Variants in FGF13 observed in about 807,000 individuals in gnomAD.
The protein encoded by FGF13 is fibroblast growth factor homologous factor 2.
A neutral mutation model predicts 19.5 loss-of-function variants in FGF13; 2 were observed. The observed-to-expected ratio is 0.10, with a 90% CI of 0.04 to 0.32. FGF13 has a LOEUF of 0.32. Among genes scored for constraint, FGF13 ranks in the 10% least tolerant of loss-of-function variants. The pLI is 1.00. For synonymous variants in FGF13, 72 were observed against 76.9 expected, an observed-to-expected ratio of 0.94 and a Z score of 0.33; for missense variants, 113 against 192.7, an observed-to-expected ratio of 0.59 and a Z score of 2.45.
intron 1 of FGF13, among the ~76,000 whole-genome samples, chrX:138,954,845 A>T (rs1052141309): frequency 2.7e-5 from 3 of 112,143 alleles, no homozygotes; most frequent in African/African-American, 9.7e-5. Flanking sequence ...GAGGACCACT[A>T]GCAACGTTTT....
intron 1 of FGF13, among the ~76,000 whole-genome samples, chrX:138,916,671 T>C (rs1426893911): frequency 8.9e-6 from 1 of 112,554 alleles, no homozygotes; most frequent in Non-Finnish European, 1.9e-5. Context: ...GATCACATTC[T>C]ACATGCTATT....
chrX:138,674,869 A>G (rs1483090161), intron 3 of FGF13, among the ~76,000 whole-genome samples: 1 of 111,242 alleles, frequency 9.0e-6, no homozygotes, highest in Non-Finnish European at 1.9e-5. Context: ...TGGATACTAA[A>G]ATTATCAAGA....
chrX:138,978,147 TC>T (rs2091947306), intron 1 of FGF13, among the ~76,000 whole-genome samples: 1 of 110,772 alleles, frequency 9.0e-6, no homozygotes, highest in African/African-American at 3.3e-5. Flanking sequence ...TGATGGACCG[TC>T]CATAACACTG....
At chrX:138,687,821 A>C (rs2089798491) in intron 3 of FGF13, among the ~76,000 whole-genome samples, 1 of 112,188 alleles carries the variant, frequency 8.9e-6, no homozygotes, top group South Asian at 3.7e-4. Flanking sequence ...ATTCAGCCAC[A>C]AAAAAGAATA....
intron 1 of FGF13, among the ~76,000 whole-genome samples, chrX:139,162,074 A>G (rs1042343893): frequency 1.9e-4 from 21 of 112,347 alleles, no homozygotes; most frequent in Admixed American, 8.5e-4. Context: ...AACCACAAAA[A>G]GAGCCTGTAT....
At chrX:138,977,346 A>G (rs111461068) in intron 1 of FGF13, among the ~76,000 whole-genome samples, 1,633 of 112,450 alleles carry the variant, frequency 0.015, 29 homozygotes, top group African/African-American at 0.049. Flanking sequence ...TCATCTTTAT[A>G]TAGCTCTGGT....
intron 1 of FGF13, among the ~76,000 whole-genome samples, chrX:138,909,480 C>T (rs1199734315): frequency 8.9e-6 from 1 of 112,071 alleles, no homozygotes; most frequent in Non-Finnish European, 1.9e-5. Flanking sequence ...TCAATTAGAC[C>T]TGAAGTAGAG....
chrX:139,082,872 T>G (rs1194808237), intron 1 of FGF13, among the ~76,000 whole-genome samples: 1 of 112,043 alleles, frequency 8.9e-6, no homozygotes. Context: ...TAGGTCTATT[T>G]GTTTACTGTC....
chrX:138,692,061 G>C (rs2089843399), intron 3 of FGF13, among the ~76,000 whole-genome samples: 1 of 110,813 alleles, frequency 9.0e-6, no homozygotes, highest in Non-Finnish European at 1.9e-5. Flanking sequence ...TTTTTTTCTT[G>C]TGTCTCAGTA....
intron 1 of FGF13, among the ~76,000 whole-genome samples, chrX:139,090,078 T>C (rs1464272069): frequency 8.9e-6 from 1 of 112,135 alleles, no homozygotes; most frequent in Non-Finnish European, 1.9e-5. Flanking sequence ...TTTGAATGAA[T>C]TTATCAAGTT....
At chrX:138,685,346 C>T (rs1274674004) in intron 3 of FGF13, among the ~76,000 whole-genome samples, 1 of 110,946 alleles carries the variant, frequency 9.0e-6, no homozygotes. Flanking sequence ...TGCAAGAAAG[C>T]CAATTAATGG....
chrX:138,661,643 C>T (rs949734076), intron 3 of FGF13, among the ~76,000 whole-genome samples: 13 of 111,760 alleles, frequency 1.2e-4, no homozygotes, highest in Non-Finnish European at 2.1e-4. Flanking sequence ...AATTTAATTT[C>T]TCTGCCTCAG....
chrX:138,698,556 G>T (rs2089917908), intron 3 of FGF13, among the ~76,000 whole-genome samples: 1 of 111,724 alleles, frequency 9.0e-6, no homozygotes, highest in Non-Finnish European at 1.9e-5. Context: ...TGTCCTCAGT[G>T]CCTCAGTGCT....
At chrX:138,714,235 AAG>A (rs1393492544), upstream of FGF13, 2 of 111,981 alleles carry the variant, frequency 1.8e-5, no homozygotes, top group Non-Finnish European at 1.9e-5. Flanking sequence ...CTCTTCCACA[AAG>A]AGAACTCACA....
At chrX:138,688,100 T>TGC (rs1245634455) in intron 3 of FGF13, among the ~76,000 whole-genome samples, 1 of 108,741 alleles carries the variant, frequency 9.2e-6, no homozygotes, top group Non-Finnish European at 1.9e-5. Context: ...GGACTACAGG[T>TGC]GCGTGCCACC....
intron 1 of FGF13, among the ~76,000 whole-genome samples, chrX:138,930,552 C>A (rs1302168914): frequency 8.9e-6 from 1 of 111,837 alleles, no homozygotes; most frequent in Non-Finnish European, 1.9e-5. Flanking sequence ...ATCTGAAAGT[C>A]TTTTAATCTC....
chrX:138,779,478 T>C (rs1443838232), intron 3 of FGF13, among the ~76,000 whole-genome samples: 1 of 109,256 alleles, frequency 9.2e-6, no homozygotes, highest in Non-Finnish European at 1.9e-5. Context: ...AAGGAGCTGA[T>C]GGAGCTGAAA....
At chrX:138,736,368 A>G (rs1414124642) in intron 1 of FGF13, among the ~76,000 whole-genome samples, 1 of 112,533 alleles carries the variant, frequency 8.9e-6, no homozygotes, top group Non-Finnish European at 1.9e-5. Context: ...AAGATCAGCT[A>G]GATTGTTTAA....
At chrX:138,734,375 G>A (rs1189473637) in intron 1 of FGF13, among the ~76,000 whole-genome samples, 3 of 111,325 alleles carry the variant, frequency 2.7e-5, no homozygotes, top group African/African-American at 9.8e-5. Context: ...TAAATGACAT[G>A]TGTAGTTACT....
Sources: gnomAD v4.1 joint callset for allele counts (sites outside exome capture counted in the v4.1 genomes callset) on GRCh38, gnomAD v4.1.1 for gene constraint, MANE v1.5 for transcripts, NCBI Gene and HGNC (gene_info 2026-07-23, HGNC 2026-07-21) for gene names.